The following SNTG2 variants were observed in gnomAD, a reference collection of about 807,000 sequenced individuals.
The protein encoded by SNTG2 is syntrophin gamma 2, also known as gamma-2-syntrophin.
Under a neutral mutation model 70.9 loss-of-function variants are expected in SNTG2, and 74 were observed. The observed-to-expected ratio is 1.04, with a 90% CI of 0.86 to 1.27. SNTG2 has a LOEUF of 1.27. Ranked by LOEUF, SNTG2 falls within the 50% of genes most tolerant of loss-of-function variation. The probability of loss-of-function intolerance (pLI) is 0.00; values close to 1 mark genes in which losing one functional copy is unlikely to be tolerated. For missense variants in SNTG2, 717 were observed against 690.7 expected (o/e 1.04, Z -0.43); for synonymous variants, 278 against 273.8 (o/e 1.02, Z -0.15).
intron 1 of SNTG2, among the ~76,000 whole-genome samples, chr2:968,240 G>A (rs1378613039): frequency 6.6e-6 from 1 of 151,810 alleles, no homozygotes; most frequent in Non-Finnish European, 1.5e-5. Context: ...CAGGAACTTT[G>A]TCCTAAGTAA....
intron 1 of SNTG2, among the ~76,000 whole-genome samples, chr2:1,029,557 T>A (rs1373674927): frequency 6.6e-6 from 1 of 152,228 alleles, no homozygotes; most frequent in Non-Finnish European, 1.5e-5. Flanking sequence ...TCAGCAATGT[T>A]GTCCTGATCA....
At position 1,004,648 on chromosome 2, in the gene SNTG2, C is replaced by T. The variant is rs576229573; in HGVS notation, c.72+53580C>T. ...ACTGTTAGCTGGCTAAAATCCAAAA[C>T]GCTGACAGCACCAGATGCTGGCAAG... On this transcript the variant is annotated intron_variant, in intron 1 of 16. Transcript: ENST00000308624. 7.9e-5 allele frequency among the ~76,000 whole-genome samples: 12 copies of T among 152,282 alleles called. No individual in the cohort carries two copies. The South Asian group carries it at 1.0e-3, about 13-fold the overall frequency.
chr2:1,239,539 A>T (rs879049924), intron 10 of SNTG2, among the ~76,000 whole-genome samples, 199 bp from the exon 11 acceptor site: 1 of 152,220 alleles, frequency 6.6e-6, no homozygotes, highest in Non-Finnish European at 1.5e-5. Context: ...AAAAAGAGGA[A>T]TTGAAGCCTG....
At chr2:1,118,045 T>A (rs1053378735) in intron 4 of SNTG2, among the ~76,000 whole-genome samples, 1 of 151,952 alleles carries the variant, frequency 6.6e-6, no homozygotes, top group Non-Finnish European at 1.5e-5. Flanking sequence ...GCCCCCCAGG[T>A]CTGAACTGCC....
At chr2:1,000,276 A>T (rs1415228868) in intron 1 of SNTG2, among the ~76,000 whole-genome samples, 2 of 151,918 alleles carry the variant, frequency 1.3e-5, no homozygotes, top group East Asian at 3.8e-4. Context: ...AAATAAATAA[A>T]GATAAAAGCA....
intron 4 of SNTG2, among the ~76,000 whole-genome samples, chr2:1,134,681 G>A (rs941680903): frequency 3.3e-5 from 5 of 152,282 alleles, no homozygotes; most frequent in South Asian, 2.1e-4. Flanking sequence ...ATCCCCCACC[G>A]GGGCTGCAGG....
At chr2:1,338,222 A>T (rs1659914595) in intron 16 of SNTG2, among the ~76,000 whole-genome samples, 3 of 152,146 alleles carry the variant, frequency 2.0e-5, no homozygotes, top group African/African-American at 4.8e-5. Context: ...TTTTCTATTT[A>T]AAAAAATGTC....
At chr2:1,197,608 C>T (rs1033396342) in intron 8 of SNTG2, among the ~76,000 whole-genome samples, 2 of 151,444 alleles carry the variant, frequency 1.3e-5, no homozygotes. Flanking sequence ...ATGATCATGG[C>T]TTACTGCAGC....
intron 8 of SNTG2, among the ~76,000 whole-genome samples, chr2:1,176,663 A>G (rs145602212): frequency 1.3e-5 from 2 of 149,368 alleles, no homozygotes; most frequent in Non-Finnish European, 3.0e-5. Context: ...AAAAAAAAAC[A>G]TTAAATGTGG....
Position 1,147,814 on chromosome 2 carries a change from A to G in SNTG2, c.411+10005A>G, listed in dbSNP as rs140233082. On this transcript the variant is annotated intron_variant, in intron 6 of 16. Coordinates refer to ENST00000308624, the MANE Select transcript of SNTG2 (RefSeq NM_018968.4). ...GCATGAAATGCGGTGTTGCCCAGAC[A>G]TGATTGTTCCATGTGAAAGTAATTA... Among the ~76,000 whole-genome samples, 234 of 152,346 alleles carry G rather than the reference A, an allele frequency of 1.5e-3. 1 individual carries two copies. Among genetic ancestry groups the G allele is most frequent in the African/African-American group, 5.4e-3 (226 of 41,572 alleles).
At chr2:1,012,015 C>A (rs1263583937) in intron 1 of SNTG2, among the ~76,000 whole-genome samples, 1 of 152,192 alleles carries the variant, frequency 6.6e-6, no homozygotes, top group Non-Finnish European at 1.5e-5. Context: ...TAGAAACTTT[C>A]TTTTCCCCAG....
intron 4 of SNTG2, among the ~76,000 whole-genome samples, chr2:1,110,470 T>C (rs1350519474): frequency 2.0e-5 from 3 of 152,196 alleles, no homozygotes; most frequent in Non-Finnish European, 4.4e-5. Context: ...TCTCCCCTAA[T>C]ACCTTCTCCT....
intron 4 of SNTG2, among the ~76,000 whole-genome samples, chr2:1,115,843 G>A (rs574021602): frequency 6.6e-6 from 1 of 152,334 alleles, no homozygotes; most frequent in East Asian, 1.9e-4. Flanking sequence ...CTGAAGTTTG[G>A]GGAAGTCTAG....
chr2:1,268,677 A>G (rs558934956), intron 14 of SNTG2, among the ~76,000 whole-genome samples: 2 of 152,350 alleles, frequency 1.3e-5, no homozygotes, highest in Admixed American at 6.5e-5. Context: ...AAAGAAAATT[A>G]CTAAACATAG....
chr2:1,074,104 T>C (rs981056270), intron 1 of SNTG2, among the ~76,000 whole-genome samples: 1 of 152,198 alleles, frequency 6.6e-6, no homozygotes, highest in African/African-American at 2.4e-5. Flanking sequence ...TGTTTGAGCA[T>C]AGCCAGGTGG....
intron 1 of SNTG2, among the ~76,000 whole-genome samples, chr2:983,425 C>G (rs1661199473): frequency 6.7e-6 from 1 of 148,272 alleles, no homozygotes; most frequent in Non-Finnish European, 1.5e-5. Context: ...GTCAGGCTGC[C>G]CCATCTATCA....
chr2:1,113,491 G>A (rs555671156), intron 4 of SNTG2, among the ~76,000 whole-genome samples: 13 of 150,820 alleles, frequency 8.6e-5, no homozygotes, highest in African/African-American at 3.2e-4. Flanking sequence ...TACTAACTGA[G>A]GTTTAACCCT....
At chr2:1,132,680 G>T (rs1021673014) in intron 4 of SNTG2, among the ~76,000 whole-genome samples, 1 of 152,180 alleles carries the variant, frequency 6.6e-6, no homozygotes, top group Admixed American at 6.5e-5. Context: ...GCTGTTAGGC[G>T]GGTTAGCCAT....
chr2:1,155,135 C>T (rs1003841467), intron 6 of SNTG2, among the ~76,000 whole-genome samples: 3 of 146,496 alleles, frequency 2.0e-5, no homozygotes, highest in Admixed American at 1.4e-4. Flanking sequence ...ACAACACAAA[C>T]ACACAGACAC....
Sources: gnomAD v4.1 joint callset for allele counts (sites outside exome capture counted in the v4.1 genomes callset) on GRCh38, gnomAD v4.1.1 for gene constraint, MANE v1.5 for transcripts, NCBI Gene and HGNC (gene_info 2026-07-23, HGNC 2026-07-21) for gene names.